Variants in ERBB4 observed in about 807,000 individuals in gnomAD.
The protein encoded by ERBB4 is erb-b2 receptor tyrosine kinase 4.
In ERBB4, 42 loss-of-function variants were observed where a neutral mutation model predicts 158.0. The ratio of observed to expected loss-of-function variants is 0.27; its 90% CI spans 0.21 to 0.34. ERBB4 has a LOEUF of 0.34. ERBB4 is among the 10% of genes least tolerant of loss of function. The pLI, the probability that ERBB4 is intolerant of heterozygous loss-of-function variation, is 1.00. For missense variants in ERBB4, 1,333 were observed against 1,624.1 expected (o/e 0.82, Z 3.08); for synonymous variants, 583 against 558.7 (o/e 1.04, Z -0.61).
chr2:212,491,075 G>A (rs1690251222), intron 1 of ERBB4, among the ~76,000 whole-genome samples: 2 of 151,456 alleles, frequency 1.3e-5, no homozygotes, highest in Admixed American at 1.3e-4. Flanking sequence ...AAAGAGTAGT[G>A]TTTCAAGGTA....
intron 20 of ERBB4, among the ~76,000 whole-genome samples, chr2:211,524,627 C>T (rs984858400): frequency 1.2e-4 from 16 of 128,188 alleles, no homozygotes; most frequent in African/African-American, 3.1e-4. Flanking sequence ...CCGGGTGCTA[C>T]GCCCCTCATT....
intron 1 of ERBB4, among the ~76,000 whole-genome samples, chr2:212,340,544 G>GT (rs1468852537): frequency 6.6e-6 from 1 of 152,148 alleles, no homozygotes; most frequent in Non-Finnish European, 1.5e-5. Context: ...TTAGATTCTC[G>GT]TAAGGAGCAT....
intron 3 of ERBB4, among the ~76,000 whole-genome samples, chr2:211,792,429 G>A (rs2076296320): frequency 6.6e-6 from 1 of 151,588 alleles, no homozygotes; most frequent in Non-Finnish European, 1.5e-5. Flanking sequence ...AAGGAAAATA[G>A]CATTTATTAT....
intron 2 of ERBB4, among the ~76,000 whole-genome samples, chr2:212,044,464 C>T (rs1038265167): frequency 6.6e-6 from 1 of 152,072 alleles, no homozygotes; most frequent in Non-Finnish European, 1.5e-5. Context: ...CCTTTTGAAA[C>T]AGATTTCGTA....
At chr2:211,855,434 G>C (rs910957389) in intron 3 of ERBB4, among the ~76,000 whole-genome samples, 1 of 151,876 alleles carries the variant, frequency 6.6e-6, no homozygotes, top group Admixed American at 6.6e-5. Flanking sequence ...AAATATTCTC[G>C]TTTTCCTCTA....
At chr2:212,444,934 C>T (rs954651794) in intron 1 of ERBB4, among the ~76,000 whole-genome samples, 4 of 151,660 alleles carry the variant, frequency 2.6e-5, no homozygotes, top group Non-Finnish European at 5.9e-5. Flanking sequence ...ATGGGTTTGC[C>T]TATCTTGCAT....
chr2:211,570,919 T>C (rs991041082), intron 19 of ERBB4, among the ~76,000 whole-genome samples: 1 of 152,080 alleles, frequency 6.6e-6, no homozygotes, highest in Non-Finnish European at 1.5e-5. Context: ...TCTCATCTCA[T>C]TACATTTCCC....
At chr2:212,296,863 T>A (rs1397424259) in intron 1 of ERBB4, among the ~76,000 whole-genome samples, 2 of 151,928 alleles carry the variant, frequency 1.3e-5, no homozygotes, top group Non-Finnish European at 2.9e-5. Flanking sequence ...CCATCCTAAG[T>A]CTTTGCAACC....
intron 1 of ERBB4, among the ~76,000 whole-genome samples, chr2:212,467,824 A>G (rs1688913158): frequency 6.6e-6 from 1 of 152,216 alleles, no homozygotes; most frequent in Non-Finnish European, 1.5e-5. Context: ...TGCACCTGGA[A>G]AAACTGCAGA....
chr2:211,719,538 C>G (rs1226949108), intron 7 of ERBB4, among the ~76,000 whole-genome samples: 1 of 152,122 alleles, frequency 6.6e-6, no homozygotes, highest in African/African-American at 2.4e-5. Flanking sequence ...GGTCTTTGTT[C>G]ACTGCTGCTA....
intron 3 of ERBB4, among the ~76,000 whole-genome samples, chr2:211,945,079 C>T (rs951542944): frequency 3.9e-5 from 6 of 152,032 alleles, no homozygotes; most frequent in African/African-American, 1.2e-4. Flanking sequence ...AATATTTTTC[C>T]GAAGCACAAA....
chr2:211,928,793 T>C (rs1276084647), intron 3 of ERBB4, among the ~76,000 whole-genome samples: 1 of 146,720 alleles, frequency 6.8e-6, no homozygotes, highest in Non-Finnish European at 1.5e-5. Flanking sequence ...TCTTGTCAGG[T>C]TTAAAATTTC....
intron 25 of ERBB4, among the ~76,000 whole-genome samples, chr2:211,392,888 C>T (rs2062832844): frequency 6.6e-6 from 1 of 152,086 alleles, no homozygotes; most frequent in South Asian, 2.1e-4. Context: ...AACTCCTGAC[C>T]TCATGATCCA....
At chr2:211,442,652 G>A (rs2064010293) in intron 20 of ERBB4, among the ~76,000 whole-genome samples, 1 of 151,802 alleles carries the variant, frequency 6.6e-6, no homozygotes, top group African/African-American at 2.4e-5. Flanking sequence ...GTATATATGT[G>A]TGTGTTATAT....
intron 1 of ERBB4, among the ~76,000 whole-genome samples, chr2:212,177,619 A>G (rs983834029): frequency 2.0e-5 from 3 of 151,888 alleles, no homozygotes; most frequent in Admixed American, 1.3e-4. Context: ...ACATTTTTCA[A>G]GAAGCTTATC....
rs528999682 is a variant in ERBB4 at position 212,002,855 on chromosome 2, T to C, written c.235-55239A>G. On this transcript the variant is annotated intron_variant, in intron 2 of 27. Coordinates refer to ENST00000342788, the MANE Select transcript of ERBB4 (RefSeq NM_005235.3). ...GGGCGGATCACTTGAGGTCAGGAGT[T>C]TGACCTCAGCCTGGCCAATATGGTG... is the stretch of plus-strand genomic sequence containing the variant. 1.4e-4 allele frequency among the ~76,000 whole-genome samples: 22 copies of C among 152,012 alleles called. No individual in the cohort carries two copies. The South Asian group carries it at 4.2e-3, about 29-fold the overall frequency.
At chr2:211,736,172 A>G (rs76639370) in intron 5 of ERBB4, among the ~76,000 whole-genome samples, 6 of 106,154 alleles carry the variant, frequency 5.7e-5, no homozygotes, top group South Asian at 4.9e-4. Context: ...CAAAAAAAGG[A>G]AAAAAAAAAA....
intron 3 of ERBB4, among the ~76,000 whole-genome samples, chr2:211,828,718 TG>T (rs1428635368): frequency 6.6e-6 from 1 of 152,138 alleles, no homozygotes; most frequent in Non-Finnish European, 1.5e-5. Flanking sequence ...TTACAAGGAT[TG>T]AAAAGGAAGC....
chr2:211,808,645 T>A (rs1014975194), intron 3 of ERBB4, among the ~76,000 whole-genome samples: 3 of 152,174 alleles, frequency 2.0e-5, no homozygotes, highest in African/African-American at 7.2e-5. Context: ...TTTAAAGTAG[T>A]TTTTTCCAGT....
Sources: gnomAD v4.1 joint callset for allele counts (sites outside exome capture counted in the v4.1 genomes callset) on GRCh38, gnomAD v4.1.1 for gene constraint, MANE v1.5 for transcripts, NCBI Gene and HGNC (gene_info 2026-07-23, HGNC 2026-07-21) for gene names.